Variants in PLCG2 observed in about 807,000 individuals in gnomAD.
PLCG2 encodes phospholipase C gamma 2.
In PLCG2, 69 loss-of-function variants were observed where a neutral mutation model predicts 175.6. The observed-to-expected ratio is 0.39, with a 90% CI of 0.32 to 0.48. The LOEUF (loss-of-function observed/expected upper bound fraction) is 0.48, where lower values mean the gene tolerates loss of function less well. Ranked by LOEUF, PLCG2 falls within the 20% of genes least tolerant of loss-of-function variation. The pLI is 0.91. For synonymous variants in PLCG2, 827 were observed against 624.0 expected, an observed-to-expected ratio of 1.33 and a Z score of -4.85; for missense variants, 1,798 against 1,650.9, an observed-to-expected ratio of 1.09 and a Z score of -1.54.
At chr16:81,949,699 C>T (rs1236768983) in intron 31 of PLCG2, among the ~76,000 whole-genome samples, 3 of 152,086 alleles carry the variant, frequency 2.0e-5, no homozygotes, top group African/African-American at 4.8e-5. Flanking sequence ...TTACATCTTA[C>T]AGGATGATGA....
chr16:81,785,886 T>A lies in PLCG2; in HGVS notation c.-47-57T>A, dbSNP rs182080456. 1.4e-4 allele frequency: 152 copies of A among 1,090,904 alleles called. No individual in the cohort carries two copies. The African/African-American group carries it at 2.2e-3, about 16-fold the overall frequency. The allele number at this position is 1,090,904 out of a possible 1,614,324, so 67.6% of individuals were successfully genotyped here. On this transcript the variant is annotated intron_variant, in intron 1 of 32. Transcript: ENST00000564138. Reference sequence around the variant, plus strand: ...TTTGGTTCCTGAAGTTCATGCCCTGTTAACTAAACCCCTTTCAGTACTAAA... The same window carrying A: ...TTTGGTTCCTGAAGTTCATGCCCTGATAACTAAACCCCTTTCAGTACTAAA...
At chr16:81,760,871 C>A (rs1019717803) in intron 2 of PLCG2, among the ~76,000 whole-genome samples, 1 of 152,154 alleles carries the variant, frequency 6.6e-6, no homozygotes, top group Middle Eastern at 3.4e-3. Context: ...TCAAGGCCAG[C>A]CTGTGCAATA....
At chr16:81,815,559 C>A (rs945354987) in intron 2 of PLCG2, among the ~76,000 whole-genome samples, 1 of 152,208 alleles carries the variant, frequency 6.6e-6, no homozygotes, top group African/African-American at 2.4e-5. Context: ...GACTACTCAG[C>A]CTGTTGTTCT....
rs532861235 is a variant in PLCG2, at chr16:81,844,409, C to G, written c.194-10035C>G. On this transcript the variant is annotated intron_variant, in intron 2 of 32. Coordinates refer to ENST00000564138, the MANE Select transcript of PLCG2 (RefSeq NM_002661.5). ...TGGCTCACTGCAACCTCTGCACCCC[C>G]ACAATGGGTTCAAGTGATTCTCCTG... 8.3e-4 allele frequency among the ~76,000 whole-genome samples: 127 copies of G among 152,248 alleles called. 1 individual carries two copies. The highest frequency in any genetic ancestry group is 7.6e-4 in the Non-Finnish European group (52 of 68,020).
At chr16:81,821,896 C>G (rs185008398) in intron 2 of PLCG2, among the ~76,000 whole-genome samples, 108 of 151,280 alleles carry the variant, frequency 7.1e-4, no homozygotes, top group African/African-American at 2.5e-3. Context: ...CAGAGCAGCA[C>G]AAAGAGAGAG....
chr16:81,848,710 G>A (rs1024576517), intron 2 of PLCG2, among the ~76,000 whole-genome samples: 2 of 152,072 alleles, frequency 1.3e-5, no homozygotes, highest in African/African-American at 4.8e-5. Flanking sequence ...CTACTTATTG[G>A]GCCCCGCTGT....
At chr16:81,779,939 C>G (rs910861508) in intron 1 of PLCG2, among the ~76,000 whole-genome samples, 12 of 152,198 alleles carry the variant, frequency 7.9e-5, no homozygotes, top group Non-Finnish European at 1.3e-4. Flanking sequence ...TCGCGATGCC[C>G]GCTCCGCAGC....
intron 1 of PLCG2, among the ~76,000 whole-genome samples, chr16:81,746,657 T>A (rs1383339262): frequency 2.0e-5 from 3 of 152,244 alleles, no homozygotes. Context: ...GCCATTCATG[T>A]CTGCATTGAT....
Position 81,900,239 on chromosome 16 carries a change from C to G in PLCG2, c.1194-373C>G, listed in dbSNP as rs534651891. On this transcript the variant is annotated intron_variant, in intron 13 of 32. Coordinates refer to ENST00000564138, the MANE Select transcript of PLCG2 (RefSeq NM_002661.5). ...TGGAACAGCGTCCCTGTTGGTGACC[C>G]TGGGTGAAGCACACATGGGTGCTTA... Among the ~76,000 whole-genome samples the G allele has an allele frequency of 9.3e-4, 142 of 152,252 alleles. 3 individuals carry two copies. The South Asian group carries it at 0.028, about 30-fold the overall frequency.
chr16:81,957,067 G>A (rs920388107), intron 32 of PLCG2, among the ~76,000 whole-genome samples, 188 bp downstream of exon 32: 2 of 152,098 alleles, frequency 1.3e-5, no homozygotes, highest in Admixed American at 1.3e-4. Context: ...GGGAGGCTGA[G>A]GAGGTTGGAT....
intron 31 of PLCG2, among the ~76,000 whole-genome samples, chr16:81,952,785 C>T (rs931847547): frequency 2.6e-5 from 4 of 152,194 alleles, no homozygotes; most frequent in African/African-American, 9.6e-5. Flanking sequence ...CAGCATAGTA[C>T]TAACTGCTGC....
chr16:81,835,787 A>G (rs1905482483), intron 2 of PLCG2, among the ~76,000 whole-genome samples: 1 of 152,126 alleles, frequency 6.6e-6, no homozygotes, highest in Non-Finnish European at 1.5e-5. Flanking sequence ...CTCCCGCTGG[A>G]GGCTCTAGGG....
chr16:81,802,711 A>G (rs1340505637), intron 2 of PLCG2, among the ~76,000 whole-genome samples: 1 of 152,122 alleles, frequency 6.6e-6, no homozygotes, highest in Admixed American at 6.5e-5. Context: ...AGCTGGGATT[A>G]CAGGCATGCG....
At chr16:81,907,168 A>T (rs1189763265) in intron 15 of PLCG2, among the ~76,000 whole-genome samples, 1 of 151,792 alleles carries the variant, frequency 6.6e-6, no homozygotes, top group Admixed American at 6.6e-5. Context: ...AAACGTTATT[A>T]AAAAAAAGAG....
intron 2 of PLCG2, among the ~76,000 whole-genome samples, chr16:81,815,727 T>C (rs776931168): frequency 3.9e-5 from 6 of 152,162 alleles, no homozygotes; most frequent in Non-Finnish European, 1.5e-5. Context: ...GCGGTCTTCT[T>C]GGTGGAAACC....
At chr16:81,778,582 A>G (rs568873414), upstream of PLCG2, among the ~76,000 whole-genome samples, 1 of 152,318 alleles carries the variant, frequency 6.6e-6, no homozygotes, top group Admixed American at 6.5e-5. Context: ...GAGATCAGGA[A>G]AACGGGACAT....
intron 2 of PLCG2, among the ~76,000 whole-genome samples, chr16:81,852,535 G>A (rs1463640906): frequency 6.6e-6 from 1 of 152,172 alleles, no homozygotes; most frequent in African/African-American, 2.4e-5. Flanking sequence ...TGGTCATCTT[G>A]TAGGGGGAAG....
In PLCG2 at chr16:81,959,586, T is replaced by TATCA. The variant is rs1328234157; in HGVS notation, c.*1589_*1592dup. 1 of 198,186 alleles carries TATCA rather than the reference T, an allele frequency of 5.0e-6. No homozygotes were observed. The highest frequency in any genetic ancestry group is 7.8e-5 in the East Asian group (1 of 12,752). 12.3% of individuals were successfully genotyped at this position (198,186 alleles called of 1,614,324 possible). A position where few individuals can be genotyped will look rare whatever the true frequency, so the allele number is the denominator to read the frequency against. ...CCAAGGAAGGGCTGTTATCTGGTGC[T>TATCA]ATCACTCCAGTTACTCCTCCAACTG... On this transcript the variant is annotated 3_prime_UTR_variant, in exon 33 of 33. Transcript: ENST00000564138.
At chr16:81,838,932 C>G (rs1480140601) in intron 2 of PLCG2, among the ~76,000 whole-genome samples, 3 of 151,974 alleles carry the variant, frequency 2.0e-5, no homozygotes, top group Non-Finnish European at 2.9e-5. Context: ...TTAGGTGACA[C>G]CACTCTGACC....
Sources: gnomAD v4.1 joint callset for allele counts (sites outside exome capture counted in the v4.1 genomes callset) on GRCh38, gnomAD v4.1.1 for gene constraint, MANE v1.5 for transcripts, NCBI Gene and HGNC (gene_info 2026-07-23, HGNC 2026-07-21) for gene names.